CLCN3: variants seen among roughly 807,000 people sequenced by gnomAD.
The protein encoded by CLCN3 is H(+)/Cl(-) exchange transporter 3.
Under a neutral mutation model 83.4 loss-of-function variants are expected in CLCN3, and 16 were observed. The observed-to-expected ratio is 0.19, with a 90% CI of 0.13 to 0.29. The LOEUF (loss-of-function observed/expected upper bound fraction) is 0.29, where lower values mean the gene tolerates loss of function less well. CLCN3 is among the 10% of genes least tolerant of loss of function. The probability of loss-of-function intolerance (pLI) is 1.00; values close to 1 mark genes in which losing one functional copy is unlikely to be tolerated. For synonymous variants in CLCN3, 322 were observed against 346.2 expected, an observed-to-expected ratio of 0.93 and a Z score of 0.78; for missense variants, 544 against 1,006.0, an observed-to-expected ratio of 0.54 and a Z score of 6.21.
At chr4:169,703,883 A>G (rs1425693210) in intron 9 of CLCN3, 115 bp from the exon 10 acceptor site, 2 of 989,472 alleles carry the variant, frequency 2.0e-6, no homozygotes, top group African/African-American at 1.6e-5. Context: ...GGATTTTGCT[A>G]TATTAATACA....
At chr4:169,648,296 G>A (rs1730632268) in intron 2 of CLCN3, among the ~76,000 whole-genome samples, 1 of 152,206 alleles carries the variant, frequency 6.6e-6, no homozygotes, top group Non-Finnish European at 1.5e-5. Context: ...GGGAAACTAT[G>A]AATGAGAGGT....
intron 9 of CLCN3, 44 bp from the exon 10 acceptor site, chr4:169,703,954 A>T (rs754638487): frequency 1.3e-6 from 2 of 1,571,616 alleles, no homozygotes; most frequent in East Asian, 2.2e-5. Context: ...CAGGCATGTG[A>T]GTAGAGGATC....
chr4:169,681,990 T>G (rs557008457), intron 3 of CLCN3, among the ~76,000 whole-genome samples: 1 of 152,328 alleles, frequency 6.6e-6, no homozygotes, highest in African/African-American at 2.4e-5. Context: ...TTAATAGTCT[T>G]TTAAGATTAT....
At chr4:169,703,533 A>G (rs753404473) in intron 9 of CLCN3, among the ~76,000 whole-genome samples, 3 of 152,318 alleles carry the variant, frequency 2.0e-5, no homozygotes, top group Non-Finnish European at 2.9e-5. Context: ...TTAAAAATAT[A>G]TATTTTTTAA....
intron 2 of CLCN3, among the ~76,000 whole-genome samples, chr4:169,649,910 CTTGTCTCTACAAAAA>C (rs1026503311): frequency 2.6e-5 from 4 of 152,120 alleles, no homozygotes; most frequent in Admixed American, 2.6e-4. Context: ...ATGGCAAGGC[CTTGTCTCTACAAAAA>C]ATATAAAAAT....
intron 1 of CLCN3, among the ~76,000 whole-genome samples, chr4:169,631,867 CA>C (rs1773380066): frequency 6.6e-6 from 1 of 152,134 alleles, no homozygotes; most frequent in African/African-American, 2.4e-5. Context: ...AAGATTAAAT[CA>C]GGATGAAATT....
chr4:169,643,063 CAG>C (rs1385043764), intron 2 of CLCN3: 3 of 152,052 alleles, frequency 2.0e-5, no homozygotes, highest in African/African-American at 7.2e-5. Flanking sequence ...AGAATTATAA[CAG>C]AGCTATATTA....
chr4:169,687,246 T>A (rs7660307), intron 3 of CLCN3, among the ~76,000 whole-genome samples: 17,599 of 152,104 alleles, frequency 0.12, 1,124 homozygotes, highest in East Asian at 0.17. Flanking sequence ...TTTTATATAG[T>A]TTGTGGACCC....
intron 3 of CLCN3, among the ~76,000 whole-genome samples, chr4:169,684,859 C>T (rs1732092656): frequency 6.6e-6 from 1 of 152,062 alleles, no homozygotes; most frequent in African/African-American, 2.4e-5. Flanking sequence ...ACAACATTGT[C>T]AGTATAACAG....
chr4:169,709,477 A>C (rs761542442), intron 11 of CLCN3, among the ~76,000 whole-genome samples: 10 of 152,046 alleles, frequency 6.6e-5, no homozygotes, highest in Non-Finnish European at 1.5e-5. Context: ...TGAGGCCAGG[A>C]GTTTGAGACC....
intron 1 of CLCN3, 52 bp from the exon 2 acceptor site, chr4:169,635,861 G>T: frequency 3.5e-6 from 5 of 1,409,020 alleles, no homozygotes; most frequent in Non-Finnish European, 3.8e-6. Context: ...TAAACTAGAT[G>T]ATTTTTATTG....
intron 2 of CLCN3, among the ~76,000 whole-genome samples, chr4:169,659,893 A>G (rs1260878092): frequency 1.3e-5 from 2 of 152,302 alleles, no homozygotes; most frequent in East Asian, 3.9e-4. Context: ...TACATTAGAA[A>G]TGAAAAAGGG....
chr4:169,679,992 A>G (rs1475940136), intron 2 of CLCN3, 58 bp from the exon 3 acceptor site: 4 of 1,318,258 alleles, frequency 3.0e-6, no homozygotes, highest in African/African-American at 2.9e-5. Context: ...TAAGAAGGTC[A>G]CTTAGCTCAC....
intron 2 of CLCN3, among the ~76,000 whole-genome samples, chr4:169,649,449 G>T (rs1163137484): frequency 6.6e-6 from 1 of 152,164 alleles, no homozygotes; most frequent in Non-Finnish European, 1.5e-5. Flanking sequence ...GAGTATGGAG[G>T]TAAATATAAT....
At chr4:169,715,509 T>G (rs1002181510) in intron 12 of CLCN3, among the ~76,000 whole-genome samples, 1 of 152,074 alleles carries the variant, frequency 6.6e-6, no homozygotes, top group Non-Finnish European at 1.5e-5. Context: ...TTTTCTCACT[T>G]AAATTATTTA....
intron 10 of CLCN3, among the ~76,000 whole-genome samples, chr4:169,706,322 G>C (rs1732993937): frequency 6.6e-6 from 1 of 152,068 alleles, no homozygotes; most frequent in Non-Finnish European, 1.5e-5. Flanking sequence ...GAGCCACAGT[G>C]CCTGGCCCAA....
Position 169,697,471 on chromosome 4 carries a change from G to A in CLCN3, c.1300G>A (p.Val434Ile). 6.2e-7 allele frequency: 1 copy of A among 1,614,208 alleles called. No individual in the cohort carries two copies. The highest frequency in any genetic ancestry group is 8.5e-7 in the Non-Finnish European group (1 of 1,180,042). ...GTATCCCGTTCTGGAAGTCATTATTGTTGCAGCCATTACTGCTGTGATAGC... is the reference window on the plus strand; with the variant it reads ...GTATCCCGTTCTGGAAGTCATTATTATTGCAGCCATTACTGCTGTGATAGC... ...GKYPVLEVII[V>I]AAITAVIAFP... Residue 434 changes from valine (V) to isoleucine (I), a missense_variant, in exon 9 of 13, where the codon GTT (valine) becomes ATT (isoleucine). This residue lies in a region of CLCN3 where 194 missense variants were observed against 341.4 expected (regional missense o/e 0.57). Transcript: ENST00000513761.
intron 8 of CLCN3, among the ~76,000 whole-genome samples, chr4:169,696,427 AAATAAT>A (rs968405658): frequency 1.3e-5 from 2 of 151,978 alleles, no homozygotes; most frequent in African/African-American, 4.8e-5. Flanking sequence ...TTTTTTTGAC[AAATAAT>A]AATTGTTTTT....
intron 2 of CLCN3, among the ~76,000 whole-genome samples, chr4:169,649,529 T>G (rs1730674688): frequency 6.6e-6 from 1 of 152,122 alleles, no homozygotes; most frequent in Non-Finnish European, 1.5e-5. Context: ...TCAAAATAGA[T>G]TTAGGAGTAA....
Sources: gnomAD v4.1 joint callset for allele counts (sites outside exome capture counted in the v4.1 genomes callset) on GRCh38, gnomAD v4.1.1 for gene constraint, gnomAD v4.1.1 regional missense constraint, MANE v1.5 for transcripts, NCBI Gene and HGNC (gene_info 2026-07-23, HGNC 2026-07-21) for gene names.